Variants in CCDC102B observed in about 807,000 individuals in gnomAD.
CCDC102B encodes the protein coiled-coil domain-containing protein 102B.
CCDC102B carries 75 observed loss-of-function variants against 57.4 expected under a neutral mutation model. That is an observed-to-expected ratio of 1.31 (90% confidence interval 1.08 to 1.58). The LOEUF is 1.58. Among genes scored for constraint, CCDC102B ranks in the 40% most tolerant of loss-of-function variants. The pLI, the probability that CCDC102B is intolerant of heterozygous loss-of-function variation, is 0.00. For synonymous variants in CCDC102B, 206 were observed against 201.9 expected (o/e 1.02, Z -0.17); for missense variants, 636 against 582.6 (o/e 1.09, Z -0.94).
At chr18:68,855,810 G>GT (rs35150392) in intron 4 of CCDC102B, among the ~76,000 whole-genome samples, 44,285 of 151,928 alleles carry the variant, frequency 0.29, 6,888 homozygotes, top group Non-Finnish European at 0.34. Flanking sequence ...TATACATGAT[G>GT]TTTTTTTGAA....
chr18:68,854,557 T>G (rs954540377), intron 4 of CCDC102B, among the ~76,000 whole-genome samples: 39 of 152,214 alleles, frequency 2.6e-4, no homozygotes, highest in African/African-American at 9.2e-4. Flanking sequence ...ATTCTGTATG[T>G]TCTAAAAACC....
intron 6 of CCDC102B, among the ~76,000 whole-genome samples, chr18:68,925,677 A>T (rs2041452853): frequency 1.3e-5 from 2 of 152,122 alleles, no homozygotes; most frequent in South Asian, 4.1e-4. Flanking sequence ...GGTGGTTACT[A>T]ATTCAGATGA....
chr18:68,942,646 AACTC>A (rs1389026471), intron 6 of CCDC102B, among the ~76,000 whole-genome samples: 2 of 151,898 alleles, frequency 1.3e-5, no homozygotes, highest in East Asian at 3.9e-4. Flanking sequence ...AGCATGTCTC[AACTC>A]CAGCCCTAAG....
chr18:68,750,922 C>G (rs1238654106), intron 2 of CCDC102B, among the ~76,000 whole-genome samples: 1 of 151,614 alleles, frequency 6.6e-6, no homozygotes, highest in Non-Finnish European at 1.5e-5. Context: ...ACGTTGTGCA[C>G]ATGTACCCTA....
chr18:69,042,148 A>C (rs990583200), intron 7 of CCDC102B, among the ~76,000 whole-genome samples: 3 of 152,074 alleles, frequency 2.0e-5, no homozygotes, highest in African/African-American at 7.2e-5. Context: ...GCATGGAAAA[A>C]CTGGGAAGTT....
Position 68,911,739 on chromosome 18 carries a change from G to A in CCDC102B, c.1263+14311G>A, listed in dbSNP as rs1235207952. Among the ~76,000 whole-genome samples, 368 of 53,550 alleles carry A rather than the reference G, an allele frequency of 6.9e-3. 1 individual carries two copies. The highest frequency in any genetic ancestry group is 0.015 in the Admixed American group (60 of 4,096). The allele number at this position is 53,550 out of a possible 152,430, so 35.1% of individuals were successfully genotyped here. A position where few individuals can be genotyped will look rare whatever the true frequency, so the allele number is the denominator to read the frequency against. On this transcript the variant is annotated intron_variant, in intron 6 of 7. Transcript: ENST00000360242. ...TGCACTCCAGCCTGGGCGACAGAGC[G>A]AGACTCCGTCTCAAAAAAAAAAAAA... is the stretch of plus-strand genomic sequence containing the variant.
chr18:68,820,316 C>T (rs2144735986), intron 1 of CCDC102B, among the ~76,000 whole-genome samples: 1 of 152,090 alleles, frequency 6.6e-6, no homozygotes, highest in Middle Eastern at 3.4e-3. Context: ...GGGGTGTTTC[C>T]ACTTTATTTT....
intron 6 of CCDC102B, among the ~76,000 whole-genome samples, chr18:68,964,978 A>T (rs556941313): frequency 6.6e-6 from 1 of 152,098 alleles, no homozygotes; most frequent in South Asian, 2.1e-4. Context: ...CCCTATAGGT[A>T]AAGGGTTATT....
intron 4 of CCDC102B, chr18:68,866,942 G>T: frequency 8.3e-6 from 4 of 483,510 alleles, no homozygotes; most frequent in South Asian, 7.8e-5. Flanking sequence ...CCCGGGAATA[G>T]CCTTGAAGAT....
At chr18:68,898,335 T>C (rs886873628) in intron 6 of CCDC102B, among the ~76,000 whole-genome samples, 2 of 152,134 alleles carry the variant, frequency 1.3e-5, no homozygotes, top group African/African-American at 2.4e-5. Context: ...TTCCATATTA[T>C]TTCATCATTC....
At chr18:68,836,528 T>C (rs1439773498) in intron 1 of CCDC102B, among the ~76,000 whole-genome samples, 5 of 150,888 alleles carry the variant, frequency 3.3e-5, no homozygotes, top group Non-Finnish European at 7.4e-5. Context: ...CTCAGTAGAC[T>C]GAGGCAAGGG....
chr18:68,890,450 C>T (rs368036033), intron 5 of CCDC102B, among the ~76,000 whole-genome samples: 55 of 152,216 alleles, frequency 3.6e-4, no homozygotes, highest in African/African-American at 1.3e-3. Context: ...TGCTTAAATT[C>T]CTGGGCTCAA....
At chr18:68,908,877 G>A (rs7245055) in intron 6 of CCDC102B, among the ~76,000 whole-genome samples, 136,820 of 151,942 alleles carry the variant, frequency 0.9, 61,673 homozygotes, top group Admixed American at 0.92. Flanking sequence ...GTATGAATGT[G>A]TATTATTATT....
At chr18:68,854,653 A>G (rs185701726) in intron 4 of CCDC102B, among the ~76,000 whole-genome samples, 4 of 152,236 alleles carry the variant, frequency 2.6e-5, no homozygotes, top group Admixed American at 2.0e-4. Context: ...CACCCTGAGG[A>G]CAGAAACCAT....
chr18:68,911,625 G>T (rs533030755), intron 6 of CCDC102B, among the ~76,000 whole-genome samples: 1 of 149,358 alleles, frequency 6.7e-6, no homozygotes, highest in South Asian at 2.1e-4. Flanking sequence ...GGTGGCGGGC[G>T]CCTGTAGTCC....
intron 6 of CCDC102B, among the ~76,000 whole-genome samples, chr18:68,926,935 G>A (rs1431994073): frequency 6.6e-6 from 1 of 151,880 alleles, no homozygotes; most frequent in South Asian, 2.1e-4. Flanking sequence ...ACGTTAATTA[G>A]GATAGATAAA....
intron 7 of CCDC102B, among the ~76,000 whole-genome samples, chr18:69,027,394 GT>G (rs2052021824): frequency 6.6e-6 from 1 of 152,096 alleles, no homozygotes; most frequent in South Asian, 2.1e-4. Flanking sequence ...TTGGCATAAG[GT>G]AAGCATATAT....
intron 3 of CCDC102B, among the ~76,000 whole-genome samples, chr18:68,842,693 G>A (rs1455492893): frequency 1.3e-5 from 2 of 152,120 alleles, no homozygotes; most frequent in Non-Finnish European, 2.9e-5. Flanking sequence ...ACCACTCACT[G>A]TCCCGTATTG....
chr18:68,783,523 TC>T (rs1470721936), intron 2 of CCDC102B, among the ~76,000 whole-genome samples: 1 of 152,194 alleles, frequency 6.6e-6, no homozygotes, highest in Non-Finnish European at 1.5e-5. Flanking sequence ...GCATTGATAA[TC>T]CTGATGGTTT....
Sources: gnomAD v4.1 joint callset for allele counts (sites outside exome capture counted in the v4.1 genomes callset) on GRCh38, gnomAD v4.1.1 for gene constraint, MANE v1.5 for transcripts, NCBI Gene and HGNC (gene_info 2026-07-23, HGNC 2026-07-21) for gene names.